Variants in SLC18A2 observed in about 807,000 individuals in gnomAD.
SLC18A2 encodes the protein solute carrier family 18 member A2, also known as synaptic vesicular amine transporter.
A neutral mutation model predicts 59.2 loss-of-function variants in SLC18A2; 33 were observed. That is an observed-to-expected ratio of 0.56 (90% CI 0.42 to 0.75). The LOEUF (loss-of-function observed/expected upper bound fraction) is 0.75. SLC18A2 is among the 30% of genes least tolerant of loss of function. SLC18A2 has a pLI of 0.00. For synonymous variants in SLC18A2, 228 were observed against 253.5 expected (o/e 0.90, Z 0.95); for missense variants, 569 against 668.6 (o/e 0.85, Z 1.64).
rs1480188433 is a variant in SLC18A2, at chr10:117,254,510, C to G, written c.700+13C>G. On this transcript the variant is annotated intron_variant, in intron 6 of 15. Coordinates refer to ENST00000644641, the MANE Select transcript of SLC18A2 (RefSeq NM_003054.6). ...ATGGGGGTCTTAGGTGGGTAAGGCC[C>G]CCGTGTAGGCAAACTGGCAAGAGGG... 1.3e-6 allele frequency: 2 copies of G among 1,579,728 alleles called. No individual in the cohort carries two copies. Among genetic ancestry groups the G allele is most frequent in the Admixed American group, 1.8e-5 (1 of 55,366 alleles).
chr10:117,246,655 T>C (rs552610787), intron 3 of SLC18A2, among the ~76,000 whole-genome samples: 1 of 149,506 alleles, frequency 6.7e-6, no homozygotes, highest in South Asian at 2.1e-4. Flanking sequence ...AAACAAATTT[T>C]TTTTTCTTTT....
chr10:117,276,333 T>A (rs892643737), intron 15 of SLC18A2, among the ~76,000 whole-genome samples: 7 of 151,824 alleles, frequency 4.6e-5, no homozygotes, highest in African/African-American at 1.7e-4. Flanking sequence ...CAGAACTGGC[T>A]GGGTGCAGTG....
intron 2 of SLC18A2, 89 bp downstream of exon 2, chr10:117,241,903 C>G (rs1844059989): frequency 3.1e-6 from 4 of 1,294,680 alleles, no homozygotes; most frequent in Admixed American, 5.5e-5. Flanking sequence ...GGTCCCGGAG[C>G]TCCGCCAAGG....
rs1261864644 is a variant in SLC18A2 at position 117,266,792 on chromosome 10, C to G, written c.1051C>G (p.Leu351Val). ...YLIGTNIFGI[L>V]AHKMGRWLCA... ...CATTGGAACCAATATTTTTGGGATA[C>G]TTGCACACAAAATGGGGAGGTAAGA... The change falls in exon 11 of 16, where the codon CTT becomes GTT. Residue 351 changes from leucine to valine, a missense_variant. By Grantham distance (32) the Leu-to-Val change is conservative (BLOSUM62 1). Transcript: ENST00000644641. 5.6e-6 allele frequency: 9 copies of G among 1,613,596 alleles called. No homozygotes were observed. The highest frequency in any genetic ancestry group is 7.6e-6 in the Non-Finnish European group (9 of 1,179,676).
intron 3 of SLC18A2, among the ~76,000 whole-genome samples, chr10:117,248,429 G>C (rs1844131713): frequency 6.6e-6 from 1 of 152,172 alleles, no homozygotes; most frequent in African/African-American, 2.4e-5. Context: ...CAGTTAGGTG[G>C]CAAAAACCTT....
chr10:117,273,208 T>G (rs1436510326), intron 15 of SLC18A2, among the ~76,000 whole-genome samples: 1 of 152,246 alleles, frequency 6.6e-6, no homozygotes, highest in Non-Finnish European at 1.5e-5. Flanking sequence ...TTTCTGTTTT[T>G]TATAATCAGC....
rs758693927 is a variant in SLC18A2, at chr10:117,277,128, G to A, written c.1441-34G>A. The A allele has an allele frequency of 1.4e-5, 16 of 1,169,564 alleles. No homozygotes were observed. The Admixed American group carries it at 2.8e-4, about 20-fold the overall frequency. The allele number at this position is 1,169,564 out of a possible 1,614,324, so 72.4% of individuals were successfully genotyped here. ...AAACCATCTTATCTTTATGAAACAAGAAGTTAATATACTTGCACTTTGCTC... is the reference window on the plus strand; with the variant it reads ...AAACCATCTTATCTTTATGAAACAAAAAGTTAATATACTTGCACTTTGCTC... On this transcript the variant is annotated intron_variant, in intron 15 of 15. Coordinates refer to ENST00000644641, the MANE Select transcript of SLC18A2 (RefSeq NM_003054.6).
chr10:117,255,789 G>A (rs1844223531), intron 9 of SLC18A2, 132 bp downstream of exon 9: 4 of 732,320 alleles, frequency 5.5e-6, no homozygotes, highest in Non-Finnish European at 8.9e-6. Context: ...AAACAGAAAA[G>A]GCAAAGAGGC....
intron 3 of SLC18A2, among the ~76,000 whole-genome samples, chr10:117,252,134 ATTTTTTT>A (rs57101171): frequency 9.0e-5 from 4 of 44,346 alleles, no homozygotes; most frequent in Non-Finnish European, 1.3e-4. Flanking sequence ...CATTTTTTGT[ATTTTTTT>A]TTTTTTTTTT....
intron 15 of SLC18A2, among the ~76,000 whole-genome samples, chr10:117,274,358 T>C (rs1844461110): frequency 6.6e-6 from 1 of 152,192 alleles, no homozygotes; most frequent in Non-Finnish European, 1.5e-5. Flanking sequence ...CTGACTGAAC[T>C]GCTTTTCCTG....
rs201635625 is a variant in SLC18A2, at chr10:117,255,579, G to A, written c.835-18G>A. The A allele has an allele frequency of 1.1e-5, 18 of 1,614,054 alleles. No homozygotes were observed. Among genetic ancestry groups the A allele is most frequent in the South Asian group, 3.3e-5 (3 of 91,076 alleles). On this transcript the variant is annotated intron_variant, in intron 8 of 15. Transcript: ENST00000644641. The stretch of plus-strand genomic sequence containing the variant: ...GGGGGCATGGTGCTGCTTCTGACCC[G>A]TGTTTTTTTCTTGACAGAGTCAGAA...
chr10:117,253,507 A>G, intron 4 of SLC18A2, 50 bp downstream of exon 4: 1 of 1,092,290 alleles, frequency 9.2e-7, no homozygotes, highest in Non-Finnish European at 1.3e-6. Context: ...CAGGGTGGGC[A>G]TTGATGCCCA....
At position 117,244,070 on chromosome 10, in the gene SLC18A2, G is replaced by A; in HGVS notation, c.221G>A (p.Ser74Asn). The A allele has an allele frequency of 6.2e-6, 10 of 1,614,160 alleles. No homozygotes were observed. The highest frequency in any genetic ancestry group is 8.5e-6 in the Non-Finnish European group (10 of 1,180,034). Residue 74 changes from serine (S) to asparagine (N), a missense_variant, in exon 3 of 16, where the codon AGC (serine) becomes AAC (asparagine). Ser to Asn is a conservative substitution (Grantham distance 46). This residue lies in a region of SLC18A2 where 377 missense variants were observed against 389.8 expected (regional missense o/e 0.97). Transcript: ENST00000644641. ...GTGCACACTGCCTCCATCTCAGACAGCTTCCAGAGCATCTTCTCCTATTAT... is the reference window on the plus strand; with the variant it reads ...GTGCACACTGCCTCCATCTCAGACAACTTCCAGAGCATCTTCTCCTATTAT... Reference protein sequence around the residue: ...RPVHTASISDSFQSIFSYYDN... With the variant: ...RPVHTASISDNFQSIFSYYDN...
At chr10:117,256,443 G>A (rs965842886) in intron 9 of SLC18A2, among the ~76,000 whole-genome samples, 6 of 152,038 alleles carry the variant, frequency 3.9e-5, no homozygotes, top group African/African-American at 1.4e-4. Context: ...TTGGTCTCTG[G>A]GGCAGCCTGC....
intron 3 of SLC18A2, 51 bp from the exon 4 acceptor site, chr10:117,253,348 T>TA (rs758742597): frequency 2.5e-5 from 35 of 1,388,068 alleles, no homozygotes; most frequent in South Asian, 1.3e-4. Context: ...TATAAAGCCT[T>TA]AAAAAAATAG....
intron 3 of SLC18A2, among the ~76,000 whole-genome samples, chr10:117,245,435 G>T (rs1214386791): frequency 6.6e-6 from 1 of 152,174 alleles, no homozygotes; most frequent in African/African-American, 2.4e-5. Context: ...TCTGTGTGGG[G>T]CAGTTGGGAG....
chr10:117,267,090 C>A, intron 12 of SLC18A2, 55 bp downstream of exon 12: 1 of 1,385,092 alleles, frequency 7.2e-7, no homozygotes, highest in Non-Finnish European at 1.0e-6. Flanking sequence ...AAAACTTGCG[C>A]TTTGGGCAAG....
chr10:117,268,727 G>A (rs1844379113), intron 13 of SLC18A2: 1 of 152,322 alleles, frequency 6.6e-6, no homozygotes, highest in African/African-American at 2.4e-5. Context: ...GTGTTTCCAA[G>A]GTGGAGAATA....
At chr10:117,247,630 G>C (rs1844122191) in intron 3 of SLC18A2, among the ~76,000 whole-genome samples, 2 of 152,210 alleles carry the variant, frequency 1.3e-5, no homozygotes, top group Non-Finnish European at 2.9e-5. Context: ...TGCTGATTTT[G>C]CTACTTTTAA....
Sources: gnomAD v4.1 joint callset for allele counts (sites outside exome capture counted in the v4.1 genomes callset) on GRCh38, gnomAD v4.1.1 for gene constraint, gnomAD v4.1.1 regional missense constraint, MANE v1.5 for transcripts, NCBI Gene and HGNC (gene_info 2026-07-23, HGNC 2026-07-21) for gene names.